Variants in SGCZ observed in about 807,000 individuals in gnomAD.
The protein encoded by SGCZ is zeta-sarcoglycan.
SGCZ carries 40 observed loss-of-function variants against 41.3 expected under a neutral mutation model. The observed-to-expected ratio is 0.97, with a 90% CI of 0.75 to 1.26. The LOEUF is 1.26. Ranked by LOEUF, SGCZ falls within the 50% of genes most tolerant of loss-of-function variation. The probability of loss-of-function intolerance (pLI) is 0.00; values close to 1 mark genes in which losing one functional copy is unlikely to be tolerated. For missense variants in SGCZ, 552 were observed against 369.8 expected, an observed-to-expected ratio of 1.49 and a Z score of -4.04; for synonymous variants, 206 against 137.5, an observed-to-expected ratio of 1.50 and a Z score of -3.49.
chr8:14,908,479 C>T (rs1799183342), intron 1 of SGCZ, among the ~76,000 whole-genome samples: 1 of 152,140 alleles, frequency 6.6e-6, no homozygotes, highest in Non-Finnish European at 1.5e-5. Context: ...TGGCCAGGTG[C>T]ACTGGCTCAC....
intron 1 of SGCZ, among the ~76,000 whole-genome samples, chr8:14,952,980 G>A (rs1460083941): frequency 6.6e-6 from 1 of 152,046 alleles, no homozygotes; most frequent in African/African-American, 2.4e-5. Flanking sequence ...CGGGTGGGTT[G>A]GTGGATTTTG....
chr8:15,119,596 C>T (rs556887981), intron 1 of SGCZ, among the ~76,000 whole-genome samples: 4 of 148,140 alleles, frequency 2.7e-5, no homozygotes, highest in South Asian at 4.1e-4. Context: ...ATCATAAAAT[C>T]GGGTCAGAGT....
intron 1 of SGCZ, among the ~76,000 whole-genome samples, chr8:14,826,301 T>C (rs1337363281): frequency 3.9e-5 from 6 of 152,152 alleles, no homozygotes; most frequent in Admixed American, 3.3e-4. Flanking sequence ...CCATGGTGTA[T>C]ATGTGCCACA....
chr8:15,058,582 G>A (rs1272635989), intron 1 of SGCZ, among the ~76,000 whole-genome samples: 2 of 152,152 alleles, frequency 1.3e-5, no homozygotes, highest in Non-Finnish European at 2.9e-5. Flanking sequence ...CCTTTTGACT[G>A]TGCTTAATAG....
intron 2 of SGCZ, among the ~76,000 whole-genome samples, chr8:14,541,687 G>C (rs1803474050): frequency 6.6e-6 from 1 of 152,048 alleles, no homozygotes; most frequent in Admixed American, 6.6e-5. Flanking sequence ...TCTGATTCTA[G>C]ATCCTTGAGG....
Position 14,231,160 on chromosome 8 carries a change from A to AGTGTGTGTGTGTGTGTGTGTGT in SGCZ, c.424+6410_424+6431dup, listed in dbSNP as rs71209027. Among the ~76,000 whole-genome samples the AGTGTGTGTGTGTGTGTGTGTGT allele has an allele frequency of 2.7e-3, 308 of 112,082 alleles. 2 individuals carry two copies. Among genetic ancestry groups the AGTGTGTGTGTGTGTGTGTGTGT allele is most frequent in the African/African-American group, 4.2e-3 (116 of 27,946 alleles). 73.5% of individuals were successfully genotyped at this position (112,082 alleles called of 152,430 possible). On this transcript the variant is annotated intron_variant, in intron 4 of 7. Coordinates refer to ENST00000382080, the MANE Select transcript of SGCZ (RefSeq NM_139167.4). The stretch of plus-strand genomic sequence containing the variant: ...TTTCCTTGCTTTGATTCTTTGGGCA[A>AGTGTGTGTGTGTGTGTGTGTGT]GTGTGTGTGTGTGTGTGTGTGTGTG...
chr8:14,814,819 G>A (rs545685524), intron 1 of SGCZ, among the ~76,000 whole-genome samples: 1 of 152,108 alleles, frequency 6.6e-6, no homozygotes, highest in Admixed American at 6.6e-5. Context: ...TACTTTTTCA[G>A]CCAACTATGG....
At chr8:15,026,546 T>C (rs1284588230) in intron 1 of SGCZ, among the ~76,000 whole-genome samples, 1 of 152,208 alleles carries the variant, frequency 6.6e-6, no homozygotes, top group East Asian at 1.9e-4. Flanking sequence ...TTTTTATGTA[T>C]TGTCAACGCT....
At chr8:14,240,538 G>A (rs1798844247) in intron 3 of SGCZ, among the ~76,000 whole-genome samples, 1 of 151,348 alleles carries the variant, frequency 6.6e-6, no homozygotes, top group African/African-American at 2.4e-5. Flanking sequence ...ATTTCACTGT[G>A]ATAGCACCAA....
chr8:14,485,710 T>G (rs1801652348), intron 2 of SGCZ, among the ~76,000 whole-genome samples: 1 of 152,156 alleles, frequency 6.6e-6, no homozygotes, highest in African/African-American at 2.4e-5. Context: ...TGTCCAGTAA[T>G]CTAATTGGTC....
intron 1 of SGCZ, among the ~76,000 whole-genome samples, chr8:14,618,953 T>C (rs1585129821): frequency 6.6e-6 from 1 of 152,130 alleles, no homozygotes; most frequent in Non-Finnish European, 1.5e-5. Flanking sequence ...GAACATGTTT[T>C]ATGGAAAATC....
At chr8:15,034,823 AC>A (rs1401263667) in intron 1 of SGCZ, among the ~76,000 whole-genome samples, 2 of 152,206 alleles carry the variant, frequency 1.3e-5, no homozygotes, top group African/African-American at 2.4e-5. Context: ...AAGCTAAAGG[AC>A]AAAACTGTCA....
At chr8:14,980,273 G>A (rs1422641051) in intron 1 of SGCZ, among the ~76,000 whole-genome samples, 4 of 152,124 alleles carry the variant, frequency 2.6e-5, no homozygotes, top group Non-Finnish European at 5.9e-5. Context: ...TGATCACGAA[G>A]AACAGAGACG....
chr8:14,836,297 A>C (rs1179711408), intron 1 of SGCZ, among the ~76,000 whole-genome samples: 3 of 152,168 alleles, frequency 2.0e-5, no homozygotes, highest in Admixed American at 2.0e-4. Context: ...CAATATTCTC[A>C]TCTGTAAAAC....
intron 2 of SGCZ, among the ~76,000 whole-genome samples, chr8:14,520,997 T>A: frequency 6.6e-6 from 1 of 152,268 alleles, no homozygotes; most frequent in South Asian, 2.1e-4. Flanking sequence ...TTACAATTTT[T>A]GTTTTGAAAT....
At chr8:14,854,049 A>ATATATATATC (rs1803453909) in intron 1 of SGCZ, among the ~76,000 whole-genome samples, 1 of 132,256 alleles carries the variant, frequency 7.6e-6, no homozygotes, top group South Asian at 2.4e-4. Flanking sequence ...ATATATATAT[A>ATATATATATC]TATATATCCT....
intron 1 of SGCZ, among the ~76,000 whole-genome samples, chr8:14,715,181 G>A (rs913766505): frequency 6.6e-6 from 1 of 152,144 alleles, no homozygotes; most frequent in Non-Finnish European, 1.5e-5. Flanking sequence ...GTTAGTTTGA[G>A]CTTTTGGTTG....
chr8:14,267,586 C>T (rs967189019), intron 3 of SGCZ, among the ~76,000 whole-genome samples: 8 of 151,962 alleles, frequency 5.3e-5, no homozygotes, highest in African/African-American at 1.7e-4. Flanking sequence ...TTCTTAATTC[C>T]TCAACATTCA....
chr8:14,228,830 T>C (rs1585254232), intron 4 of SGCZ, among the ~76,000 whole-genome samples: 1 of 152,128 alleles, frequency 6.6e-6, no homozygotes, highest in African/African-American at 2.4e-5. Flanking sequence ...GTATATTTTG[T>C]CTGGAAAAGG....
Sources: allele counts gnomAD v4.1 joint callset (sites outside exome capture counted in the v4.1 genomes callset), GRCh38; gene constraint gnomAD v4.1.1; transcripts MANE v1.5; gene names NCBI Gene and HGNC (gene_info 2026-07-23, HGNC 2026-07-21).